The following HTR4 variants were observed in gnomAD, a reference collection of about 807,000 sequenced individuals.
The protein encoded by HTR4 is 5-hydroxytryptamine receptor 4.
In HTR4, 16 loss-of-function variants were observed where a neutral mutation model predicts 36.8. The ratio of observed to expected loss-of-function variants is 0.43; its 90% CI spans 0.29 to 0.66. The LOEUF (loss-of-function observed/expected upper bound fraction) is 0.66, where lower values mean the gene tolerates loss of function less well. Among genes scored for constraint, HTR4 ranks in the 30% least tolerant of loss-of-function variants. The probability of loss-of-function intolerance (pLI) is 0.13; values close to 1 mark genes in which losing one functional copy is unlikely to be tolerated. For synonymous variants in HTR4, 189 were observed against 185.1 expected (o/e 1.02, Z -0.17); for missense variants, 438 against 490.9 (o/e 0.89, Z 1.02).
chr5:148,492,166 C>A (rs927168322), intron 6 of HTR4, among the ~76,000 whole-genome samples: 1 of 152,166 alleles, frequency 6.6e-6, no homozygotes, highest in Admixed American at 6.6e-5. Flanking sequence ...AGGGCTGGTA[C>A]ACAGAACCTC....
At chr5:148,474,849 C>T (rs1297051244), downstream of HTR4, among the ~76,000 whole-genome samples, 1 of 152,104 alleles carries the variant, frequency 6.6e-6, no homozygotes, top group Non-Finnish European at 1.5e-5. Context: ...AGTTCAAGAC[C>T]AGCCTGGGCA....
At chr5:148,642,345 A>G (rs772723068) in intron 1 of HTR4, among the ~76,000 whole-genome samples, 1 of 152,186 alleles carries the variant, frequency 6.6e-6, no homozygotes, top group Non-Finnish European at 1.5e-5. Flanking sequence ...AGTTTTCCCA[A>G]CTGCAGAATG....
In HTR4 at chr5:148,611,633, C is replaced by A. The variant is rs369816190; in HGVS notation, c.26+25356G>T. Among the ~76,000 whole-genome samples the A allele has an allele frequency of 1.1e-4, 17 of 148,244 alleles. No individual in the cohort carries two copies. In the South Asian group the frequency reaches 1.4e-3, roughly 12 times the overall value. On this transcript the variant is annotated intron_variant, in intron 2 of 6. Coordinates refer to ENST00000377888, the MANE Select transcript of HTR4 (RefSeq NM_000870.7). ...AACTGCATCAACTAACGAGCAAAATCACCAGCTAACATCATAATGACAGGA... is the reference window on the plus strand; with the variant it reads ...AACTGCATCAACTAACGAGCAAAATAACCAGCTAACATCATAATGACAGGA...
chr5:148,577,450 A>G (rs1323916201), intron 2 of HTR4, among the ~76,000 whole-genome samples: 3 of 152,158 alleles, frequency 2.0e-5, no homozygotes, highest in Non-Finnish European at 4.4e-5. Context: ...CATTCGACCC[A>G]GCAATCCCAT....
chr5:148,587,593 C>T (rs746814027), intron 2 of HTR4, among the ~76,000 whole-genome samples: 73 of 152,128 alleles, frequency 4.8e-4, no homozygotes, highest in Admixed American at 6.5e-4. Flanking sequence ...CTTGCTCCTC[C>T]CATGTAATGA....
chr5:148,561,785 T>G lies in HTR4; in HGVS notation c.27-11523A>C, dbSNP rs532336044. On this transcript the variant is annotated intron_variant, in intron 2 of 6. Transcript: ENST00000377888. ...AGAAATTCAGCACAGGGAAAAAATG[T>G]GGACCACATATGCCCTCTCCACTTT... 1.2e-3 allele frequency among the ~76,000 whole-genome samples: 184 copies of G among 152,292 alleles called. 1 individual carries two copies. Among genetic ancestry groups the G allele is most frequent in the African/African-American group, 4.0e-3 (166 of 41,564 alleles).
chr5:148,479,977 G>C (rs1346044608), downstream of HTR4, among the ~76,000 whole-genome samples: 1 of 152,142 alleles, frequency 6.6e-6, no homozygotes, highest in Non-Finnish European at 1.5e-5. Flanking sequence ...ATTTTCAAAA[G>C]TTATCAGGTT....
At chr5:148,617,271 C>T (rs1048115009) in intron 2 of HTR4, among the ~76,000 whole-genome samples, 1 of 152,178 alleles carries the variant, frequency 6.6e-6, no homozygotes, top group African/African-American at 2.4e-5. Flanking sequence ...CCTGCTTCTG[C>T]TTCACCTTCT....
intron 5 of HTR4, among the ~76,000 whole-genome samples, chr5:148,521,643 C>A (rs1260345537): frequency 6.6e-6 from 1 of 151,998 alleles, no homozygotes; most frequent in Non-Finnish European, 1.5e-5. Flanking sequence ...TTCTCTCTCT[C>A]TACACAAACA....
intron 6 of HTR4, among the ~76,000 whole-genome samples, chr5:148,501,832 G>A (rs555388400): frequency 4.6e-5 from 7 of 152,180 alleles, no homozygotes; most frequent in African/African-American, 1.7e-4. Context: ...GGCTGAGGTG[G>A]GTGGATCACA....
At position 148,639,617 on chromosome 5, in the gene HTR4, GTATA is replaced by G. The variant is rs370514542; in HGVS notation, c.-47-2560_-47-2557del. ...TCTCTGTTCTATTTTTTTCTTCCCAGTATATATATATATATATATATATATATAG... is the reference window on the plus strand; with the variant it reads ...TCTCTGTTCTATTTTTTTCTTCCCAGTATATATATATATATATATATATAG... On this transcript the variant is annotated intron_variant, in intron 1 of 6. Coordinates refer to ENST00000377888, the MANE Select transcript of HTR4 (RefSeq NM_000870.7). 1.2e-3 allele frequency among the ~76,000 whole-genome samples: 138 copies of G among 111,844 alleles called. 1 individual carries two copies. Among genetic ancestry groups the G allele is most frequent in the African/African-American group, 4.2e-3 (115 of 27,238 alleles). The allele number at this position is 111,844 out of a possible 152,430, so 73.4% of individuals were successfully genotyped here. A position where few individuals can be genotyped will look rare whatever the true frequency, so the allele number is the denominator to read the frequency against.
chr5:148,503,918 G>T lies in HTR4; in HGVS notation c.1076+5538C>A, dbSNP rs182779613. ...AAGAAGGCCATTAAATAATGGTAAA[G>T]GGATCAATTCAACAAGGAGAGCTAA... On this transcript the variant is annotated intron_variant, in intron 6 of 6. Coordinates refer to ENST00000377888, the MANE Select transcript of HTR4 (RefSeq NM_000870.7). Among the ~76,000 whole-genome samples, 33 of 152,262 alleles carry T rather than the reference G, an allele frequency of 2.2e-4. No homozygotes were observed. The East Asian group carries it at 6.4e-3, about 29-fold the overall frequency.
At chr5:148,458,700 G>C (rs1755190233) in intron 5 of HTR4, among the ~76,000 whole-genome samples, 2 of 152,166 alleles carry the variant, frequency 1.3e-5, no homozygotes, top group East Asian at 1.9e-4. Flanking sequence ...CTGGGGGCAG[G>C]CCCATGTGGT....
chr5:148,540,220 A>C (rs574780217), intron 4 of HTR4, among the ~76,000 whole-genome samples: 5 of 151,606 alleles, frequency 3.3e-5, no homozygotes, highest in Non-Finnish European at 5.9e-5. Context: ...CGTCTACTTA[A>C]GAGTGGAGGC....
intron 2 of HTR4, among the ~76,000 whole-genome samples, chr5:148,615,516 T>C (rs1352485704): frequency 8.8e-6 from 1 of 113,380 alleles, no homozygotes; most frequent in Non-Finnish European, 1.7e-5. Context: ...AACATCACAC[T>C]CTGGGGACTG....
At chr5:148,624,077 A>C (rs1327799096) in intron 2 of HTR4, among the ~76,000 whole-genome samples, 1 of 152,222 alleles carries the variant, frequency 6.6e-6, no homozygotes, top group African/African-American at 2.4e-5. Flanking sequence ...CCTGGAACAA[A>C]GAAAGTCTTA....
chr5:148,629,685 G>T (rs576773314), intron 2 of HTR4: 1 of 152,172 alleles, frequency 6.6e-6, no homozygotes, highest in African/African-American at 2.4e-5. Flanking sequence ...GCTTCCTGCA[G>T]TCAAGCAGAT....
intron 2 of HTR4, among the ~76,000 whole-genome samples, chr5:148,631,604 T>C (rs148557450): frequency 4.3e-4 from 65 of 152,312 alleles, no homozygotes; most frequent in Middle Eastern, 3.4e-3. Context: ...TAGTGAAGCA[T>C]AATGTGTATT....
At chr5:148,512,169 C>T (rs2113776570) in intron 5 of HTR4, among the ~76,000 whole-genome samples, 1 of 152,292 alleles carries the variant, frequency 6.6e-6, no homozygotes, top group Admixed American at 6.5e-5. Context: ...CAGTTTCAAT[C>T]TGAGTAAGTC....
Sources: gnomAD v4.1 joint callset for allele counts (sites outside exome capture counted in the v4.1 genomes callset) on GRCh38, gnomAD v4.1.1 for gene constraint, MANE v1.5 for transcripts, NCBI Gene and HGNC (gene_info 2026-07-23, HGNC 2026-07-21) for gene names.